MALL: variants seen among roughly 807,000 people sequenced by gnomAD.
MALL encodes the protein MAL-like protein.
MALL carries 2 observed loss-of-function variants against 10.3 expected under a neutral mutation model. That is an observed-to-expected ratio of 0.19 (90% CI 0.08 to 0.61). The LOEUF is 0.61. Among genes scored for constraint, MALL ranks in the 20% least tolerant of loss-of-function variants. MALL has a pLI of 0.88. For missense variants in MALL, 39 were observed against 115.2 expected, an observed-to-expected ratio of 0.34 and a Z score of 3.03; for synonymous variants, 27 against 51.8, an observed-to-expected ratio of 0.52 and a Z score of 2.05.
upstream of MALL, chr2:110,115,827 C>A: frequency 9.6e-7 from 1 of 1,039,732 alleles, no homozygotes; most frequent in South Asian, 4.9e-5. Flanking sequence ...CGCGGCAGCT[C>A]GCCCGCGCGC....
At chr2:110,112,130 C>T (rs796800121) in intron 1 of MALL, among the ~76,000 whole-genome samples, 12 of 152,256 alleles carry the variant, frequency 7.9e-5, no homozygotes, top group African/African-American at 2.9e-4. Flanking sequence ...TACAAAAATT[C>T]TAGAAGATAA....
intron 1 of MALL, among the ~76,000 whole-genome samples, chr2:110,109,978 A>G (rs1678771045): frequency 6.6e-6 from 1 of 152,178 alleles, no homozygotes; most frequent in Non-Finnish European, 1.5e-5. Context: ...GCATTGAGTC[A>G]AAAACAAAAT....
Position 110,115,755 on chromosome 2 carries a change from G to A in MALL, c.38C>T (p.Pro13Leu), listed in dbSNP as rs199685565. The change falls in exon 1 of 4, where the codon CCG becomes CTG. Residue 13 changes from proline (P) to leucine (L), a missense_variant. Transcript: ENST00000272462. ...SPDPPATSYA[P>L]SDVPSGVALF... ...CGCGACCCCCGAGGGCACGTCGGAC[G>A]GGGCGTAGCTGGTGGCGGGCGGGTC... 453 of 1,289,310 alleles carry A rather than the reference G, an allele frequency of 3.5e-4. 2 individuals are homozygous for A. The Admixed American group carries it at 3.5e-3, about 10-fold the overall frequency. The allele number at this position is 1,289,310 out of a possible 1,614,324, so 79.9% of individuals were successfully genotyped here. A position where few individuals can be genotyped will look rare whatever the true frequency, so the allele number is the denominator to read the frequency against.
At chr2:110,092,747 T>C (rs1678399123) in intron 1 of MALL, among the ~76,000 whole-genome samples, 1 of 128,916 alleles carries the variant, frequency 7.8e-6, no homozygotes, top group African/African-American at 2.6e-5. Flanking sequence ...AAGAAATGCT[T>C]CTCTATTTTG....
rs78843124 is a variant in MALL, at chr2:110,107,135, G to A, written c.105+8553C>T. On this transcript the variant is annotated intron_variant, in intron 1 of 3. Coordinates refer to ENST00000272462, the MANE Select transcript of MALL (RefSeq NM_005434.5). The stretch of plus-strand genomic sequence containing the variant: ...ACGAGGGAGCTCTTTGTGGTGAGTG[G>A]CAGTCCTGTGCCTTGATGCAGTGGT... Among the ~76,000 whole-genome samples the A allele has an allele frequency of 3.3e-3, 509 of 152,248 alleles. 5 individuals carry two copies. Among genetic ancestry groups the A allele is most frequent in the Non-Finnish European group, 5.5e-3 (372 of 68,020 alleles).
intron 1 of MALL, among the ~76,000 whole-genome samples, chr2:110,104,002 T>A (rs1303036546): frequency 2.0e-5 from 3 of 152,084 alleles, no homozygotes; most frequent in Non-Finnish European, 4.4e-5. Flanking sequence ...AGGAGAGAAG[T>A]GGGGGCTTCC....
chr2:110,100,992 G>A (rs1286239699), intron 1 of MALL, among the ~76,000 whole-genome samples: 1 of 151,942 alleles, frequency 6.6e-6, no homozygotes, highest in Non-Finnish European at 1.5e-5. Flanking sequence ...TGGAGGTCAG[G>A]GACCCAGCCA....
chr2:110,102,886 T>C (rs1678603909), intron 1 of MALL, among the ~76,000 whole-genome samples: 1 of 152,060 alleles, frequency 6.6e-6, no homozygotes, highest in African/African-American at 2.4e-5. Context: ...TACTAAAAAA[T>C]GTGCTGTCAG....
At chr2:110,112,393 A>T (rs1044486022) in intron 1 of MALL, among the ~76,000 whole-genome samples, 1 of 152,158 alleles carries the variant, frequency 6.6e-6, no homozygotes, top group Admixed American at 6.5e-5. Context: ...GTAAGAAAAA[A>T]ACAAACAATC....
At chr2:110,096,931 C>T (rs193073477) in intron 1 of MALL, among the ~76,000 whole-genome samples, 4 of 152,114 alleles carry the variant, frequency 2.6e-5, no homozygotes, top group African/African-American at 9.6e-5. Flanking sequence ...GGAATTTGTC[C>T]TACAAATGAT....
intron 1 of MALL, among the ~76,000 whole-genome samples, chr2:110,104,021 T>A (rs764873986): frequency 6.6e-5 from 10 of 151,858 alleles, no homozygotes; most frequent in Non-Finnish European, 1.5e-4. Flanking sequence ...CCTGCTGCCT[T>A]TTCCAGGCCT....
chr2:110,112,221 A>C (rs1250257640), intron 1 of MALL, among the ~76,000 whole-genome samples: 1 of 152,228 alleles, frequency 6.6e-6, no homozygotes, highest in African/African-American at 2.4e-5. Context: ...ATGAAAGCAA[A>C]GATAAATAGC....
chr2:110,092,419 TTTTC>T (rs1678390550), intron 1 of MALL, among the ~76,000 whole-genome samples: 1 of 38,026 alleles, frequency 2.6e-5, no homozygotes, highest in African/African-American at 6.8e-5. Flanking sequence ...TAAAATTGAT[TTTTC>T]TTTTTCTTAT....
intron 1 of MALL, among the ~76,000 whole-genome samples, chr2:110,096,396 T>C (rs1396188211): frequency 6.6e-6 from 1 of 152,070 alleles, no homozygotes; most frequent in Admixed American, 6.5e-5. Flanking sequence ...ATCTATCAAA[T>C]AGAAGAGGTG....
At chr2:110,103,368 G>T (rs2104387311) in intron 1 of MALL, among the ~76,000 whole-genome samples, 1 of 152,246 alleles carries the variant, frequency 6.6e-6, no homozygotes. Flanking sequence ...CCGAGGCTAG[G>T]GGCTGGCTGG....
At chr2:110,114,757 C>T (rs1678873255) in intron 1 of MALL, among the ~76,000 whole-genome samples, 1 of 151,636 alleles carries the variant, frequency 6.6e-6, no homozygotes, top group Non-Finnish European at 1.5e-5. Flanking sequence ...TCTATCTTTT[C>T]CCCCCTGCTC....
At chr2:110,106,699 G>A (rs1382116585) in intron 1 of MALL, among the ~76,000 whole-genome samples, 1 of 152,070 alleles carries the variant, frequency 6.6e-6, no homozygotes, top group Non-Finnish European at 1.5e-5. Flanking sequence ...ACACCACCCA[G>A]CAATCATACG....
chr2:110,115,803 C>T lies in MALL; in HGVS notation c.-11G>A, dbSNP rs1335698238. ...GTCGGGCGAGGCCATGCTGTCAGCC[C>T]CTGCCGGGTGCTCCGCGGCAGCTCG... On this transcript the variant is annotated 5_prime_UTR_variant, in exon 1 of 4. Transcript: ENST00000272462. 1.6e-6 allele frequency: 2 copies of T among 1,237,184 alleles called. No homozygotes were observed. The allele number at this position is 1,237,184 out of a possible 1,614,324, so 76.6% of individuals were successfully genotyped here. A position where few individuals can be genotyped will look rare whatever the true frequency, so the allele number is the denominator to read the frequency against.
intron 1 of MALL, among the ~76,000 whole-genome samples, chr2:110,113,529 G>A (rs1318081698): frequency 7.0e-6 from 1 of 142,302 alleles, no homozygotes; most frequent in African/African-American, 2.6e-5. Context: ...CACCACTAAA[G>A]AACTTACTAA....
Sources: gnomAD v4.1 joint callset for allele counts (sites outside exome capture counted in the v4.1 genomes callset) on GRCh38, gnomAD v4.1.1 for gene constraint, MANE v1.5 for transcripts, NCBI Gene and HGNC (gene_info 2026-07-23, HGNC 2026-07-21) for gene names.